The following ARHGAP12 variants were observed in gnomAD, a reference collection of about 807,000 sequenced individuals.
ARHGAP12 encodes rho GTPase-activating protein 12.
A neutral mutation model predicts 108.6 loss-of-function variants in ARHGAP12; 64 were observed. The ratio of observed to expected loss-of-function variants is 0.59; its 90% CI spans 0.48 to 0.73. ARHGAP12 has a LOEUF of 0.73. Ranked by LOEUF, ARHGAP12 falls within the 30% of genes least tolerant of loss-of-function variation. The pLI, the probability that ARHGAP12 is intolerant of heterozygous loss-of-function variation, is 0.00. For missense variants in ARHGAP12, 940 were observed against 1,005.9 expected (o/e 0.93, Z 0.89); for synonymous variants, 312 against 337.2 (o/e 0.93, Z 0.82).
chr10:31,861,288 G>T, intron 4 of ARHGAP12, 107 bp downstream of exon 4: 1 of 1,326,654 alleles, frequency 7.5e-7, no homozygotes, highest in Non-Finnish European at 1.0e-6. Context: ...GAGATCACGT[G>T]TTTTAACATG....
At chr10:31,900,797 G>C (rs185112856) in intron 3 of ARHGAP12, among the ~76,000 whole-genome samples, 7 of 152,084 alleles carry the variant, frequency 4.6e-5, no homozygotes, top group Admixed American at 3.3e-4. Flanking sequence ...ACCCATTTAA[G>C]TTTACCACAC....
intron 1 of ARHGAP12, among the ~76,000 whole-genome samples, chr10:31,920,174 C>G (rs761822708): frequency 6.6e-6 from 1 of 151,242 alleles, no homozygotes; most frequent in African/African-American, 2.4e-5. Context: ...GAAAATTAGC[C>G]GGGCGCAGTG....
intron 1 of ARHGAP12, chr10:31,913,633 G>GAAA (rs1839439799): frequency 8.9e-6 from 1 of 111,760 alleles, no homozygotes; most frequent in African/African-American, 3.8e-5. Flanking sequence ...GCCTGATGCT[G>GAAA]CAAAAAAAAA....
intron 3 of ARHGAP12, among the ~76,000 whole-genome samples, chr10:31,886,362 T>C (rs1282705528): frequency 1.3e-5 from 2 of 152,206 alleles, no homozygotes; most frequent in Admixed American, 1.3e-4. Context: ...CAATTATCTA[T>C]GTGTTTGTGT....
At chr10:31,824,601 T>A (rs12240628) in intron 11 of ARHGAP12, among the ~76,000 whole-genome samples, 1 of 152,134 alleles carries the variant, frequency 6.6e-6, no homozygotes, top group African/African-American at 2.4e-5. Flanking sequence ...AAATAAATTT[T>A]AAAAAATGTA....
intron 5 of ARHGAP12, among the ~76,000 whole-genome samples, chr10:31,853,508 G>A (rs2132285224): frequency 1.3e-5 from 2 of 152,240 alleles, no homozygotes; most frequent in Middle Eastern, 6.8e-3. Context: ...AATTGAGGCA[G>A]GAAAGAGGGA....
At chr10:31,814,446 T>TGAG in intron 13 of ARHGAP12, 85 bp from the exon 14 acceptor site, 1 of 1,097,068 alleles carries the variant, frequency 9.1e-7, no homozygotes, top group Non-Finnish European at 1.4e-6. Flanking sequence ...ATGACTATTG[T>TGAG]AAATGACTCT....
intron 13 of ARHGAP12, among the ~76,000 whole-genome samples, chr10:31,816,193 G>GTGTGTGTGTGTGTGTGTT (rs1835199200): frequency 6.6e-6 from 1 of 151,492 alleles, no homozygotes; most frequent in Non-Finnish European, 1.5e-5. Flanking sequence ...GTGTGTGTGT[G>GTGTGTGTGTGTGTGTGTT]TGTGTGTGTG....
chr10:31,898,190 C>A (rs1592355499), intron 3 of ARHGAP12, among the ~76,000 whole-genome samples: 1 of 152,150 alleles, frequency 6.6e-6, no homozygotes, highest in East Asian at 1.9e-4. Flanking sequence ...TGACCTCTAC[C>A]TAAACTATAT....
chr10:31,889,619 G>GTTTTTTTTTTTTTTTTTTTTTTTTTTTTT (rs869116452), intron 3 of ARHGAP12, among the ~76,000 whole-genome samples: 1 of 66,420 alleles, frequency 1.5e-5, no homozygotes, highest in Non-Finnish European at 2.6e-5. Flanking sequence ...AATTTTTCTC[G>GTTTTTTTTTTTTTTTTTTTTTTTTTTTTT]TTTTTTTTTT....
intron 3 of ARHGAP12, among the ~76,000 whole-genome samples, chr10:31,892,975 C>G (rs1365649736): frequency 6.6e-6 from 1 of 152,150 alleles, no homozygotes; most frequent in African/African-American, 2.4e-5. Flanking sequence ...TACATGGAAA[C>G]TGAACAACCT....
rs1462623769 is a variant in ARHGAP12, at chr10:31,814,267, T to C, written c.1826A>G (p.Lys609Arg). ...DKEKEQKDPKKLRSFKVSSID... is the reference protein window; with the variant it reads ...DKEKEQKDPKRLRSFKVSSID... Reference sequence around the variant, plus strand: ...GGGAAAGGACAACTTACAACGAAGCTTTTTGGGATCCTTTTGTTCCTTTTC... The same window carrying C: ...GGGAAAGGACAACTTACAACGAAGCCTTTTGGGATCCTTTTGTTCCTTTTC... Residue 609 changes from lysine to arginine, a missense_variant, in exon 14 of 20, where the codon AAG becomes AGG. By Grantham distance (26) the Lys-to-Arg change is conservative (BLOSUM62 2). Coordinates refer to ENST00000344936, the MANE Select transcript of ARHGAP12 (RefSeq NM_018287.7). The C allele has an allele frequency of 6.2e-7, 1 of 1,613,616 alleles. No individual in the cohort carries two copies. Among genetic ancestry groups the C allele is most frequent in the South Asian group, 1.1e-5 (1 of 91,048 alleles).
At position 31,808,714 on chromosome 10, in the gene ARHGAP12, G is replaced by A; in HGVS notation, c.2301C>T (p.Asp767=). The change falls in exon 19 of 20, where the codon GAC becomes GAT. Residue 767 remains aspartate, a synonymous_variant. Transcript: ENST00000344936. ...TTGGCTTTGGCAACTGTCTGATTAG[G>A]TCCTTAACAGCAGCGACTCGCTGTC... The part of the protein sequence containing the change: ...EPRQRVAAVK[D]LIRQLPKPNQ... 6.2e-7 allele frequency: 1 copy of A among 1,613,806 alleles called. No individual in the cohort carries two copies. The highest frequency in any genetic ancestry group is 8.5e-7 in the Non-Finnish European group (1 of 1,179,758).
intron 10 of ARHGAP12, chr10:31,826,772 T>G: frequency 6.2e-6 from 1 of 161,970 alleles, no homozygotes; most frequent in African/African-American, 2.4e-5. Flanking sequence ...ACAAACACGC[T>G]TCCCTCACTC....
intron 6 of ARHGAP12, among the ~76,000 whole-genome samples, chr10:31,846,899 A>ATTTTTT (rs377177944): frequency 2.4e-5 from 2 of 84,622 alleles, no homozygotes; most frequent in Non-Finnish European, 4.5e-5. Flanking sequence ...GGCACTGTTC[A>ATTTTTT]TTTTTTTTTT....
chr10:31,917,091 A>AT (rs901039631), intron 1 of ARHGAP12, among the ~76,000 whole-genome samples: 2 of 152,034 alleles, frequency 1.3e-5, no homozygotes, highest in African/African-American at 4.8e-5. Context: ...TCCTCCGAGT[A>AT]TTTTTTAAAG....
At chr10:31,874,026 T>C (rs1265613976) in intron 3 of ARHGAP12, among the ~76,000 whole-genome samples, 3 of 152,228 alleles carry the variant, frequency 2.0e-5, no homozygotes, top group African/African-American at 7.2e-5. Context: ...TAAAGAATAC[T>C]CTGTCACTGA....
intron 13 of ARHGAP12, among the ~76,000 whole-genome samples, chr10:31,817,530 A>G (rs1835250074): frequency 6.6e-6 from 1 of 152,210 alleles, no homozygotes; most frequent in African/African-American, 2.4e-5. Context: ...CTTCTTTTTG[A>G]ACTATTTCTT....
intron 3 of ARHGAP12, among the ~76,000 whole-genome samples, chr10:31,905,666 AAAC>A (rs1344898477): frequency 2.6e-5 from 4 of 152,318 alleles, no homozygotes; most frequent in African/African-American, 9.6e-5. Context: ...AACACTTGAC[AAAC>A]AACAAGTCTA....
Sources: allele counts gnomAD v4.1 joint callset (sites outside exome capture counted in the v4.1 genomes callset), GRCh38; gene constraint gnomAD v4.1.1; transcripts MANE v1.5; gene names NCBI Gene and HGNC (gene_info 2026-07-23, HGNC 2026-07-21).